The following ADGRV1 variants were observed in gnomAD, a reference collection of about 807,000 sequenced individuals.
ADGRV1 encodes G-protein coupled receptor 98.
A neutral mutation model predicts 596.2 loss-of-function variants in ADGRV1; 359 were observed. The observed-to-expected ratio is 0.60, with a 90% CI of 0.55 to 0.66. The LOEUF (loss-of-function observed/expected upper bound fraction) is 0.66. Among genes scored for constraint, ADGRV1 ranks in the 30% least tolerant of loss-of-function variants. The pLI is 0.00. For missense variants in ADGRV1, 7,274 were observed against 7,575.6 expected (o/e 0.96, Z 1.48); for synonymous variants, 2,681 against 2,679.2 (o/e 1.00, Z -0.02).
intron 1 of ADGRV1, among the ~76,000 whole-genome samples, chr5:90,592,982 G>A (rs1008051134): frequency 4.6e-5 from 7 of 152,244 alleles, no homozygotes; most frequent in South Asian, 2.1e-4. Flanking sequence ...AAATAGGAAT[G>A]GTTTTACAAG....
intron 37 of ADGRV1, 79 bp downstream of exon 37, chr5:90,705,658 C>A: frequency 8.7e-7 from 1 of 1,144,738 alleles, no homozygotes; most frequent in Non-Finnish European, 1.3e-6. Flanking sequence ...AAAGCCATTG[C>A]TAAAATAAAT....
chr5:90,790,276 A>C (rs192556227), intron 69 of ADGRV1, among the ~76,000 whole-genome samples: 15 of 152,246 alleles, frequency 9.9e-5, no homozygotes, highest in Admixed American at 9.2e-4. Context: ...ATGTTTGGGG[A>C]TGCCCTTGTA....
chr5:90,847,877 C>T (rs535714130), intron 78 of ADGRV1, among the ~76,000 whole-genome samples: 20 of 152,256 alleles, frequency 1.3e-4, no homozygotes, highest in Non-Finnish European at 2.5e-4. Context: ...AGCCGGTTCC[C>T]GCCTCGGCCA....
intron 87 of ADGRV1, among the ~76,000 whole-genome samples, chr5:91,126,856 C>T (rs1211459000): frequency 1.3e-5 from 2 of 151,952 alleles, no homozygotes; most frequent in Admixed American, 6.5e-5. Context: ...AGCAGATATG[C>T]CTGGTGTTTG....
Position 90,658,265 on chromosome 5 carries a change from C to G in ADGRV1, c.4739C>G (p.Ala1580Gly). Residue 1580 changes from alanine to glycine, a missense_variant, in exon 21 of 90, where the codon GCT becomes GGT. Physicochemically the swap from Ala to Gly is moderately conservative, Grantham distance 60 (BLOSUM62 0). Transcript: ENST00000405460. ...NANGLFGFTG[A>G]CIPEIAEEGS... is the part of the protein sequence containing the mutation. Reference sequence around the variant, plus strand: ...AATGGCTTGTTTGGTTTCACAGGAGCTTGTATACCAGAGGTAAGTAGTGAG... The same window carrying G: ...AATGGCTTGTTTGGTTTCACAGGAGGTTGTATACCAGAGGTAAGTAGTGAG... 1 of 1,521,412 alleles carries G rather than the reference C, an allele frequency of 6.6e-7. No homozygotes were observed. The highest frequency in any genetic ancestry group is 1.4e-5 in the South Asian group (1 of 72,672). 94.2% of individuals were successfully genotyped at this position (1,521,412 alleles called of 1,614,324 possible).
intron 84 of ADGRV1, among the ~76,000 whole-genome samples, chr5:90,971,870 A>G (rs1229597184): frequency 2.6e-5 from 4 of 152,364 alleles, no homozygotes; most frequent in Non-Finnish European, 2.9e-5. Flanking sequence ...TTAAATGTAA[A>G]TGGGCTAAAT....
At chr5:90,579,780 C>G (rs1757730146) in intron 1 of ADGRV1, among the ~76,000 whole-genome samples, 1 of 152,144 alleles carries the variant, frequency 6.6e-6, no homozygotes, top group Admixed American at 6.5e-5. Context: ...CTTTATGAAT[C>G]CGGGTGCTCC....
intron 85 of ADGRV1, among the ~76,000 whole-genome samples, chr5:91,064,876 A>G (rs1028315717): frequency 6.6e-6 from 1 of 152,366 alleles, no homozygotes; most frequent in East Asian, 1.9e-4. Context: ...ACCAGGAAAT[A>G]CGTACACACA....
chr5:90,750,732 A>T (rs973411194), intron 53 of ADGRV1, 35 bp downstream of exon 53: 6 of 1,569,098 alleles, frequency 3.8e-6, no homozygotes, highest in Non-Finnish European at 5.3e-6. Flanking sequence ...AAACACTTTT[A>T]AATTATGGTT....
intron 76 of ADGRV1, among the ~76,000 whole-genome samples, chr5:90,826,125 T>C (rs143461867): frequency 3.6e-4 from 55 of 152,368 alleles, no homozygotes; most frequent in African/African-American, 1.2e-3. Flanking sequence ...ACTTTTGATA[T>C]ACATTTTAAC....
At chr5:90,981,114 G>T (rs368789379) in intron 84 of ADGRV1, among the ~76,000 whole-genome samples, 159 of 152,270 alleles carry the variant, frequency 1.0e-3, no homozygotes, top group African/African-American at 3.6e-3. Context: ...GCACAGTTTG[G>T]TTTTATACAT....
intron 1 of ADGRV1, among the ~76,000 whole-genome samples, chr5:90,596,920 TAAAACA>T (rs1034698537): frequency 3.3e-5 from 5 of 152,100 alleles, no homozygotes; most frequent in African/African-American, 1.2e-4. Flanking sequence ...ACACACTTCT[TAAAACA>T]AAAACAAAAA....
intron 83 of ADGRV1, among the ~76,000 whole-genome samples, chr5:90,887,447 C>G (rs1770415163): frequency 6.6e-6 from 1 of 152,084 alleles, no homozygotes; most frequent in Non-Finnish European, 1.5e-5. Flanking sequence ...TGTTGTGGTT[C>G]TTGACTTATT....
In ADGRV1 at chr5:90,810,677, G is replaced by A. The variant is rs1449324298; in HGVS notation, c.15417G>A (p.Glu5139=). The A allele has an allele frequency of 6.2e-7, 1 of 1,613,894 alleles. No homozygotes were observed. The highest frequency in any genetic ancestry group is 8.5e-7 in the Non-Finnish European group (1 of 1,179,876). ...DLAGMDISFP[E]TTVAVAVDTT... ...CAGGAATGGATATTTCCTTCCCCGA[G>A]ACAACTGTGGCTGTAGCAGTTGACA... Residue 5139 remains glutamate (E), a synonymous_variant, in exon 74 of 90, where the codon GAG becomes GAA. Transcript: ENST00000405460.
chr5:91,065,584 C>T (rs1012690039), intron 85 of ADGRV1, among the ~76,000 whole-genome samples: 5 of 152,172 alleles, frequency 3.3e-5, no homozygotes, highest in African/African-American at 1.2e-4. Context: ...TCATGTCTCT[C>T]CTGGACCCCT....
chr5:90,811,396 A>G (rs1762428594), intron 74 of ADGRV1, 58 bp downstream of exon 74: 4 of 1,419,358 alleles, frequency 2.8e-6, no homozygotes, highest in Non-Finnish European at 3.8e-6. Context: ...AATTTGTATT[A>G]AGGTGAATCT....
At chr5:90,606,761 AC>A (rs1473534267) in intron 1 of ADGRV1, among the ~76,000 whole-genome samples, 2 of 151,248 alleles carry the variant, frequency 1.3e-5, no homozygotes, top group South Asian at 4.2e-4. Context: ...TGCCCTCTAC[AC>A]CTAGGGGGCA....
intron 86 of ADGRV1, among the ~76,000 whole-genome samples, chr5:91,079,636 C>A (rs1789164067): frequency 6.6e-6 from 1 of 151,926 alleles, no homozygotes; most frequent in Admixed American, 6.6e-5. Context: ...GTTGAAACAC[C>A]CCTGATTTAC....
At chr5:91,091,407 T>C (rs1375744393) in intron 86 of ADGRV1, among the ~76,000 whole-genome samples, 1 of 152,196 alleles carries the variant, frequency 6.6e-6, no homozygotes, top group African/African-American at 2.4e-5. Flanking sequence ...TAGCATGTCT[T>C]GTCAATTTTA....
Sources: gnomAD v4.1 joint callset for allele counts (sites outside exome capture counted in the v4.1 genomes callset) on GRCh38, gnomAD v4.1.1 for gene constraint, MANE v1.5 for transcripts, NCBI Gene and HGNC (gene_info 2026-07-23, HGNC 2026-07-21) for gene names.